Variants in PCDH15 observed in about 807,000 individuals in gnomAD.
PCDH15 encodes the protein protocadherin-15.
PCDH15 carries 129 observed loss-of-function variants against 178.5 expected under a neutral mutation model. The ratio of observed to expected loss-of-function variants is 0.72; its 90% confidence interval spans 0.63 to 0.84. The LOEUF (loss-of-function observed/expected upper bound fraction) is 0.84, where lower values mean the gene tolerates loss of function less well. Among genes scored for constraint, PCDH15 ranks in the 40% least tolerant of loss-of-function variants. PCDH15 has a pLI of 0.00. For missense variants in PCDH15, 2,230 were observed against 2,099.9 expected (o/e 1.06, Z -1.21); for synonymous variants, 800 against 732.0 (o/e 1.09, Z -1.50).
chr10:55,158,693 TAAA>T (rs71014458), intron 2 of PCDH15, among the ~76,000 whole-genome samples: 1 of 141,780 alleles, frequency 7.1e-6, no homozygotes. Flanking sequence ...TTGTTCTAAG[TAAA>T]AAAAAAAAAG....
chr10:54,779,880 G>T (rs920143511), intron 1 of PCDH15, among the ~76,000 whole-genome samples: 1 of 151,884 alleles, frequency 6.6e-6, no homozygotes, highest in Non-Finnish European at 1.5e-5. Context: ...ATTTGTGTGG[G>T]CTAATATTCT....
At chr10:54,892,731 C>CT (rs565482831) in intron 3 of PCDH15, among the ~76,000 whole-genome samples, 31,098 of 134,574 alleles carry the variant, frequency 0.23, 4,029 homozygotes, top group Non-Finnish European at 0.31. Flanking sequence ...AATAATTTTT[C>CT]TTTTTTTTTT....
chr10:54,883,818 C>A (rs1217483375), intron 3 of PCDH15, among the ~76,000 whole-genome samples: 2 of 151,854 alleles, frequency 1.3e-5, no homozygotes, highest in African/African-American at 2.4e-5. Flanking sequence ...AAATTGATTG[C>A]CAGTTTTTCA....
At chr10:54,616,000 T>C (rs2093133135) in intron 2 of PCDH15, among the ~76,000 whole-genome samples, 2 of 152,088 alleles carry the variant, frequency 1.3e-5, no homozygotes, top group African/African-American at 4.8e-5. Flanking sequence ...ACTTGGAAAT[T>C]GTTGCTGTAG....
At chr10:54,484,590 A>C (rs1263383518) in intron 3 of PCDH15, among the ~76,000 whole-genome samples, 2 of 151,984 alleles carry the variant, frequency 1.3e-5, no homozygotes, top group Non-Finnish European at 2.9e-5. Flanking sequence ...GCTATAAATC[A>C]GATACAAGCC....
chr10:55,197,036 T>G (rs948484518), intron 1 of PCDH15, among the ~76,000 whole-genome samples: 2 of 151,976 alleles, frequency 1.3e-5, no homozygotes, highest in African/African-American at 4.8e-5. Context: ...AATAGTTACT[T>G]AAAATGCTCA....
At chr10:55,060,289 T>C (rs984021615) in intron 2 of PCDH15, among the ~76,000 whole-genome samples, 7 of 152,110 alleles carry the variant, frequency 4.6e-5, no homozygotes, top group African/African-American at 1.7e-4. Context: ...AAAGTATTTA[T>C]TGATATTATT....
chr10:55,267,099 A>G (rs1357907430), intron 1 of PCDH15, among the ~76,000 whole-genome samples: 1 of 152,080 alleles, frequency 6.6e-6, no homozygotes, highest in East Asian at 1.9e-4. Flanking sequence ...AAAAGGAAGG[A>G]AGAATAAAGG....
At chr10:55,332,625 C>T (rs913380886) in intron 2 of PCDH15, among the ~76,000 whole-genome samples, 3 of 152,114 alleles carry the variant, frequency 2.0e-5, no homozygotes, top group Admixed American at 1.3e-4. Flanking sequence ...TGAACTGTAG[C>T]TCCCACAATT....
At chr10:53,814,425 C>T (rs1037423377) in intron 35 of PCDH15, among the ~76,000 whole-genome samples, 3 of 152,116 alleles carry the variant, frequency 2.0e-5, no homozygotes, top group African/African-American at 7.2e-5. Flanking sequence ...AAATAACGCT[C>T]AGCTCTTGCT....
chr10:53,993,994 C>T (rs1169543661), intron 21 of PCDH15, among the ~76,000 whole-genome samples: 1 of 152,176 alleles, frequency 6.6e-6, no homozygotes, highest in East Asian at 1.9e-4. Context: ...AACTGAAAAC[C>T]TCTTCCAAAG....
chr10:54,048,306 C>T (rs1379740365), intron 18 of PCDH15, among the ~76,000 whole-genome samples: 1 of 152,076 alleles, frequency 6.6e-6, no homozygotes, highest in Non-Finnish European at 1.5e-5. Context: ...GGATATTAGA[C>T]ATCTAAAAGC....
At chr10:54,428,546 T>C (rs1956570544) in intron 3 of PCDH15, among the ~76,000 whole-genome samples, 1 of 152,206 alleles carries the variant, frequency 6.6e-6, no homozygotes, top group African/African-American at 2.4e-5. Flanking sequence ...GGTAAGCATG[T>C]CGGTATGCAC....
chr10:54,386,826 G>A (rs1370774262), intron 3 of PCDH15, among the ~76,000 whole-genome samples: 1 of 152,142 alleles, frequency 6.6e-6, no homozygotes, highest in South Asian at 2.1e-4. Flanking sequence ...AAGTGTTGGC[G>A]AGGATGTGGA....
chr10:54,703,645 A>C (rs2095336489), intron 1 of PCDH15, among the ~76,000 whole-genome samples: 1 of 152,068 alleles, frequency 6.6e-6, no homozygotes, highest in African/African-American at 2.4e-5. Flanking sequence ...ACAAAAACGT[A>C]AAATACCTAA....
chr10:54,604,794 T>G (rs896594769), intron 2 of PCDH15, among the ~76,000 whole-genome samples: 35 of 151,978 alleles, frequency 2.3e-4, no homozygotes, highest in African/African-American at 7.9e-4. Flanking sequence ...ACTGCTGTTT[T>G]TCTTGTTCCT....
intron 21 of PCDH15, among the ~76,000 whole-genome samples, chr10:53,977,672 C>T (rs1412100202): frequency 1.3e-5 from 2 of 152,134 alleles, no homozygotes; most frequent in Non-Finnish European, 2.9e-5. Flanking sequence ...TAACTCATTT[C>T]AGCATTAATC....
chr10:54,242,184 A>ATG (rs2055458400), intron 8 of PCDH15, among the ~76,000 whole-genome samples: 1 of 109,022 alleles, frequency 9.2e-6, no homozygotes, highest in African/African-American at 4.2e-5. Flanking sequence ...ATATATATAT[A>ATG]TATACACACA....
intron 1 of PCDH15, among the ~76,000 whole-genome samples, chr10:55,171,011 G>C (rs1057110794): frequency 6.6e-6 from 1 of 151,884 alleles, no homozygotes; most frequent in Non-Finnish European, 1.5e-5. Context: ...TTTTTTGCTG[G>C]TCCTTTCTCA....
Sources: allele counts gnomAD v4.1 joint callset (sites outside exome capture counted in the v4.1 genomes callset), GRCh38; gene constraint gnomAD v4.1.1; transcripts MANE v1.5; gene names NCBI Gene and HGNC (gene_info 2026-07-23, HGNC 2026-07-21).